PCDHGA1: variants seen among roughly 807,000 people sequenced by gnomAD.
PCDHGA1 encodes the protein protocadherin gamma-A1.
In PCDHGA1, 32 loss-of-function variants were observed where a neutral mutation model predicts 58.0. That is an observed-to-expected ratio of 0.55 (90% CI 0.42 to 0.74). The LOEUF is 0.74. Ranked by LOEUF, PCDHGA1 falls within the 30% of genes least tolerant of loss-of-function variation. PCDHGA1 has a pLI of 0.00. For synonymous variants in PCDHGA1, 498 were observed against 501.1 expected, an observed-to-expected ratio of 0.99 and a Z score of 0.08; for missense variants, 1,205 against 1,182.3, an observed-to-expected ratio of 1.02 and a Z score of -0.28.
chr5:141,503,608 A>AAAAAAAG (rs1483073868), intron 2 of PCDHGA1, among the ~76,000 whole-genome samples: 1 of 151,994 alleles, frequency 6.6e-6, no homozygotes, highest in East Asian at 1.9e-4. Flanking sequence ...CAAAAAAAAA[A>AAAAAAAG]AAAAAAGAAA....
At chr5:141,413,740 C>A in intron 1 of PCDHGA1, 2 of 1,613,402 alleles carry the variant, frequency 1.2e-6, no homozygotes, top group Non-Finnish European at 1.7e-6. Flanking sequence ...AGTTCAGAGC[C>A]GTGCCAATGG....
chr5:141,376,155 T>C, intron 1 of PCDHGA1: 1 of 1,614,062 alleles, frequency 6.2e-7, no homozygotes, highest in Non-Finnish European at 8.5e-7. Context: ...GACCTCACTC[T>C]GTACCTGGTG....
intron 1 of PCDHGA1, among the ~76,000 whole-genome samples, chr5:141,456,124 C>G (rs2098844023): frequency 6.6e-6 from 1 of 152,072 alleles, no homozygotes. Context: ...GTCTCCATCT[C>G]CTGACCTCCT....
At chr5:141,345,496 C>G in intron 1 of PCDHGA1, 2 of 1,614,182 alleles carry the variant, frequency 1.2e-6, no homozygotes, top group Non-Finnish European at 1.7e-6. Context: ...GCCCGCATCA[C>G]TTATGCATTG....
intron 1 of PCDHGA1, among the ~76,000 whole-genome samples, chr5:141,444,150 GGAT>G (rs2098419400): frequency 8.8e-6 from 1 of 114,014 alleles, no homozygotes; most frequent in African/African-American, 3.4e-5. Context: ...TGTGTGTACT[GGAT>G]TTTTTTTTTT....
At chr5:141,367,035 T>G (rs977436173) in intron 1 of PCDHGA1, 1 of 366,848 alleles carries the variant, frequency 2.7e-6, no homozygotes, top group Non-Finnish European at 4.9e-6. Flanking sequence ...GGAACTGCAG[T>G]TCTATTAATA....
chr5:141,362,639 G>T, intron 1 of PCDHGA1: 3 of 1,469,872 alleles, frequency 2.0e-6, no homozygotes, highest in Non-Finnish European at 2.7e-6. Flanking sequence ...GTATTTCTTT[G>T]TCTGTGAGTT....
chr5:141,466,099 G>A (rs879849411), intron 1 of PCDHGA1, among the ~76,000 whole-genome samples: 2 of 151,938 alleles, frequency 1.3e-5, no homozygotes, highest in Non-Finnish European at 2.9e-5. Context: ...TCCAGCCTGG[G>A]CAACAGAGTG....
At position 141,350,800 on chromosome 5, in the gene PCDHGA1, G is replaced by A. The variant is rs768629636; in HGVS notation, c.2421+17695G>A. 3.1e-6 allele frequency: 5 copies of A among 1,614,010 alleles called. No individual in the cohort carries two copies. In the East Asian group the frequency reaches 1.1e-4, roughly 36 times the overall value. On this transcript the variant is annotated intron_variant, in intron 1 of 3. Transcript: ENST00000517417. ...ATCAATACTTCTCTCTGTCAACGAA[G>A]GAAAGTCCTGATGGAAGTAAATATC... is the stretch of plus-strand genomic sequence containing the variant.
chr5:141,399,287 C>G (rs1393904771), intron 1 of PCDHGA1: 1 of 1,613,912 alleles, frequency 6.2e-7, no homozygotes, highest in Non-Finnish European at 8.5e-7. Context: ...GGCGAAGTCC[C>G]TTTTAAGATT....
rs563876979 is a variant in PCDHGA1, at chr5:141,417,900, G to A, written c.2422-76907G>A. 5 of 1,583,452 alleles carry A rather than the reference G, an allele frequency of 3.2e-6. No individual in the cohort carries two copies. Among genetic ancestry groups the A allele is most frequent in the South Asian group, 2.3e-5 (2 of 88,062 alleles). On this transcript the variant is annotated intron_variant, in intron 1 of 3. Coordinates refer to ENST00000517417, the MANE Select transcript of PCDHGA1 (RefSeq NM_018912.3). ...GCGCAGAGGCGCCGGGCCGGCCCGC[G>A]GCAGGTACTATTTCCTTTGCTGCTG...
chr5:141,415,811 A>G (rs2095960996), intron 1 of PCDHGA1: 5 of 1,340,748 alleles, frequency 3.7e-6, no homozygotes, highest in South Asian at 1.7e-5. Flanking sequence ...ATCAAGGCCT[A>G]TATATCATAA....
chr5:141,360,755 T>A, intron 1 of PCDHGA1: 1 of 1,613,972 alleles, frequency 6.2e-7, no homozygotes, highest in Non-Finnish European at 8.5e-7. Flanking sequence ...GAGCACAGTT[T>A]ACATCAATTG....
chr5:141,454,898 C>T (rs1426884791), intron 1 of PCDHGA1, among the ~76,000 whole-genome samples: 1 of 147,834 alleles, frequency 6.8e-6, no homozygotes, highest in Non-Finnish European at 1.5e-5. Flanking sequence ...AGCACCGCCT[C>T]CCGGGTTCAC....
At chr5:141,376,524 C>T (rs1772781654) in intron 1 of PCDHGA1, 1 of 1,613,718 alleles carries the variant, frequency 6.2e-7, no homozygotes, top group Admixed American at 1.7e-5. Flanking sequence ...TTCTTTCCGC[C>T]TAAGCGGGAA....
At chr5:141,462,019 C>T (rs1276421563) in intron 1 of PCDHGA1, among the ~76,000 whole-genome samples, 6 of 152,178 alleles carry the variant, frequency 3.9e-5, no homozygotes, top group Non-Finnish European at 8.8e-5. Flanking sequence ...GACGGGGTTT[C>T]TTCATGTTGG....
At chr5:141,355,088 C>T (rs1759711689) in intron 1 of PCDHGA1, 2 of 1,465,708 alleles carry the variant, frequency 1.4e-6, no homozygotes, top group Admixed American at 2.5e-5. Flanking sequence ...AAGCGGAAGC[C>T]CTGAGAGCTC....
chr5:141,366,886 T>A (rs1332420618), intron 1 of PCDHGA1: 16 of 1,296,860 alleles, frequency 1.2e-5, no homozygotes, highest in South Asian at 4.5e-5. Flanking sequence ...TAATTTTTTT[T>A]ATATAATTCA....
At chr5:141,389,088 T>G (rs774714581) in intron 1 of PCDHGA1, 2 of 1,613,894 alleles carry the variant, frequency 1.2e-6, no homozygotes, top group Non-Finnish European at 1.7e-6. Context: ...CACGTATAAA[T>G]TAGTGACAGA....
Sources: gnomAD v4.1 joint callset for allele counts (sites outside exome capture counted in the v4.1 genomes callset) on GRCh38, gnomAD v4.1.1 for gene constraint, MANE v1.5 for transcripts, NCBI Gene and HGNC (gene_info 2026-07-23, HGNC 2026-07-21) for gene names.